The following DYDC1 variants were observed in gnomAD, a reference collection of about 807,000 sequenced individuals.
The protein encoded by DYDC1 is DPY30 domain-containing protein 1.
In DYDC1, 21 loss-of-function variants were observed where a neutral mutation model predicts 27.9. That is an observed-to-expected ratio of 0.75 (90% CI 0.53 to 1.08). The LOEUF is 1.08. DYDC1 is among the 50% of genes least tolerant of loss of function. DYDC1 has a pLI of 0.00. For synonymous variants in DYDC1, 67 were observed against 65.8 expected (o/e 1.02, Z -0.09); for missense variants, 202 against 205.9 (o/e 0.98, Z 0.12).
At chr10:80,353,740 T>C (rs1273147170) in intron 1 of DYDC1, among the ~76,000 whole-genome samples, 3 of 151,886 alleles carry the variant, frequency 2.0e-5, no homozygotes, top group Non-Finnish European at 4.4e-5. Flanking sequence ...TTGCTCATCT[T>C]CCCACTGGGA....
chr10:80,343,522 C>T (rs1335535512), intron 3 of DYDC1, among the ~76,000 whole-genome samples: 2 of 151,904 alleles, frequency 1.3e-5, no homozygotes, highest in Non-Finnish European at 2.9e-5. Flanking sequence ...TCCTGTAATC[C>T]CAGCTACTCA....
chr10:80,340,305 T>C (rs971536998), intron 4 of DYDC1, among the ~76,000 whole-genome samples: 3 of 152,206 alleles, frequency 2.0e-5, no homozygotes, highest in African/African-American at 7.2e-5. Context: ...ATAGTTTACA[T>C]TGCGAGTCTG....
intron 3 of DYDC1, among the ~76,000 whole-genome samples, chr10:80,344,406 A>G (rs1174964916): frequency 6.6e-6 from 1 of 152,240 alleles, no homozygotes; most frequent in Non-Finnish European, 1.5e-5. Flanking sequence ...AACAAGGCAC[A>G]TGATTCTGAG....
intron 1 of DYDC1, among the ~76,000 whole-genome samples, chr10:80,354,694 T>C (rs1843250415): frequency 6.6e-6 from 1 of 152,000 alleles, no homozygotes; most frequent in Admixed American, 6.6e-5. Flanking sequence ...AATGCCCTTA[T>C]AAAAAGAGAT....
intron 3 of DYDC1, among the ~76,000 whole-genome samples, chr10:80,343,936 T>C (rs550557910): frequency 7.9e-5 from 12 of 152,102 alleles, no homozygotes; most frequent in African/African-American, 2.4e-4. Flanking sequence ...GCCAACATGG[T>C]GAAACCCTGT....
intron 3 of DYDC1, among the ~76,000 whole-genome samples, chr10:80,349,796 C>T (rs1589516102): frequency 2.0e-5 from 3 of 152,162 alleles, no homozygotes; most frequent in African/African-American, 4.8e-5. Context: ...ATGAGCAAAA[C>T]CACTGAAAGC....
intron 4 of DYDC1, among the ~76,000 whole-genome samples, 198 bp from the exon 5 acceptor site, chr10:80,339,351 G>A (rs538291573): frequency 2.0e-5 from 3 of 152,122 alleles, no homozygotes; most frequent in Middle Eastern, 3.4e-3. Context: ...ACTAATAGAA[G>A]GCAACCATGT....
chr10:80,344,698 A>T (rs1842505617), intron 3 of DYDC1: 1 of 263,048 alleles, frequency 3.8e-6, no homozygotes, highest in Admixed American at 4.3e-5. Flanking sequence ...ACGAGATCTG[A>T]TGGGTTTATC....
At chr10:80,356,557 T>C (rs1412080459) in intron 1 of DYDC1, 155 bp downstream of exon 1, 1 of 985,344 alleles carries the variant, frequency 1.0e-6, no homozygotes, top group Non-Finnish European at 1.2e-6. Flanking sequence ...CTGGCCGCTT[T>C]CGGGAGCCCC....
intron 1 of DYDC1, 50 bp from the exon 2 acceptor site, chr10:80,352,660 A>G (rs1490353272): frequency 6.5e-7 from 1 of 1,548,724 alleles, no homozygotes; most frequent in African/African-American, 1.4e-5. Flanking sequence ...CAATAAAGTC[A>G]CTATAAAACT....
chr10:80,339,003 C>T (rs1371835029), intron 5 of DYDC1, 94 bp downstream of exon 5: 8 of 634,622 alleles, frequency 1.3e-5, no homozygotes, highest in Non-Finnish European at 1.5e-5. Flanking sequence ...AATATACTTG[C>T]TAAAAATTTA....
At chr10:80,352,121 T>G (rs1409120057) in intron 2 of DYDC1, 119 bp from the exon 3 acceptor site, 4 of 884,324 alleles carry the variant, frequency 4.5e-6, no homozygotes, top group Non-Finnish European at 5.3e-6. Flanking sequence ...TTATAGCCCA[T>G]CCCTGTGGAA....
chr10:80,342,194 T>C (rs1444149931), intron 4 of DYDC1, 75 bp downstream of exon 4: 10 of 1,445,052 alleles, frequency 6.9e-6, no homozygotes, highest in Non-Finnish European at 9.6e-6. Context: ...GTCCTTCTGC[T>C]AACAGCTGAA....
At chr10:80,342,423 C>T (rs866916287) in intron 3 of DYDC1, 62 bp from the exon 4 acceptor site, 15 of 1,518,334 alleles carry the variant, frequency 9.9e-6, no homozygotes, top group Middle Eastern at 1.7e-4. Flanking sequence ...TAAGTTTATA[C>T]CCACCTTCAT....
At chr10:80,353,468 A>G (rs1843132922) in intron 1 of DYDC1, among the ~76,000 whole-genome samples, 1 of 150,094 alleles carries the variant, frequency 6.7e-6, no homozygotes, top group Non-Finnish European at 1.5e-5. Flanking sequence ...GGCCGACCAG[A>G]TTGTTTTTAA....
intron 3 of DYDC1, among the ~76,000 whole-genome samples, chr10:80,344,467 G>C (rs1225853701): frequency 6.6e-6 from 1 of 152,182 alleles, no homozygotes; most frequent in African/African-American, 2.4e-5. Flanking sequence ...ACACTGCTCA[G>C]TTGTTGTTTA....
chr10:80,351,131 C>T (rs1842950562), intron 3 of DYDC1, among the ~76,000 whole-genome samples: 1 of 152,208 alleles, frequency 6.6e-6, no homozygotes, highest in East Asian at 1.9e-4. Flanking sequence ...ACTCTGCCCA[C>T]ACCTCCTACC....
rs1843009075 is a variant in DYDC1 at position 80,351,940 on chromosome 10, C to T, written c.210G>A (p.Met70Ile). The T allele has an allele frequency of 1.9e-6, 3 of 1,614,078 alleles. No homozygotes were observed. In the African/African-American group the frequency reaches 4.0e-5, roughly 22 times the overall value. Residue 70 changes from methionine to isoleucine, a missense_variant, in exon 3 of 7, where the codon ATG becomes ATA. Met to Ile is a conservative substitution (Grantham distance 10). Coordinates refer to ENST00000372202, the MANE Select transcript of DYDC1 (RefSeq NM_001269053.2). ...GCTCCTCTGCTTTGAGCCTCTCCAT[C>T]ATTTCCTGCTCCATCAGAGCTAATT... ...ERELALMEQE[M>I]MERLKAEELL...
At chr10:80,344,918 A>G (rs567555092) in intron 3 of DYDC1, 194 of 154,766 alleles carry the variant, frequency 1.3e-3, no homozygotes, top group Non-Finnish European at 1.9e-3. Flanking sequence ...TACAGACAAG[A>G]GCATTTTCAA....
Sources: gnomAD v4.1 joint callset for allele counts (sites outside exome capture counted in the v4.1 genomes callset) on GRCh38, gnomAD v4.1.1 for gene constraint, MANE v1.5 for transcripts, NCBI Gene and HGNC (gene_info 2026-07-23, HGNC 2026-07-21) for gene names.